LRP1B: variants seen among roughly 807,000 people sequenced by gnomAD.
LRP1B encodes low-density lipoprotein receptor-related protein 1B.
Under a neutral mutation model 556.6 loss-of-function variants are expected in LRP1B, and 217 were observed. That is an observed-to-expected ratio of 0.39 (90% CI 0.35 to 0.44). The LOEUF (loss-of-function observed/expected upper bound fraction) is 0.44, where lower values mean the gene tolerates loss of function less well. LRP1B is among the 20% of genes least tolerant of loss of function. The probability of loss-of-function intolerance (pLI) is 1.00; values close to 1 mark genes in which losing one functional copy is unlikely to be tolerated. For synonymous variants in LRP1B, 2,047 were observed against 1,865.8 expected, an observed-to-expected ratio of 1.10 and a Z score of -2.50; for missense variants, 5,053 against 5,620.8, an observed-to-expected ratio of 0.90 and a Z score of 3.23.
chr2:141,586,277 C>T (rs1687133178), intron 2 of LRP1B, among the ~76,000 whole-genome samples: 2 of 152,094 alleles, frequency 1.3e-5, no homozygotes, highest in Admixed American at 1.3e-4. Flanking sequence ...AAACCAATAC[C>T]TGCTAATCAC....
intron 2 of LRP1B, among the ~76,000 whole-genome samples, chr2:141,663,861 A>G (rs1328675252): frequency 1.3e-5 from 2 of 151,708 alleles, no homozygotes; most frequent in Non-Finnish European, 2.9e-5. Flanking sequence ...AAATTAAGAC[A>G]GATATCATCT....
chr2:140,321,945 A>ATAAT lies in LRP1B; in HGVS notation c.12640+14_12640+17dup, dbSNP rs1263484703. The ATAAT allele has an allele frequency of 6.2e-7, 1 of 1,603,730 alleles. No individual in the cohort carries two copies. Among genetic ancestry groups the ATAAT allele is most frequent in the African/African-American group, 1.3e-5 (1 of 74,084 alleles). On this transcript the variant is annotated intron_variant, in intron 82 of 90. Coordinates refer to ENST00000389484, the MANE Select transcript of LRP1B (RefSeq NM_018557.3). ...TAAGGATTAATTCATTATTTACAGAATAATAAAGTATACCCACCTAACAGG... is the reference window on the plus strand; with the variant it reads ...TAAGGATTAATTCATTATTTACAGAATAATTAATAAAGTATACCCACCTAACAGG...
chr2:140,396,783 TTTA>T (rs1214290014), intron 66 of LRP1B, among the ~76,000 whole-genome samples: 2 of 152,170 alleles, frequency 1.3e-5, no homozygotes, highest in African/African-American at 4.8e-5. Flanking sequence ...TTTATTTCAT[TTTA>T]TTATTTTGTA....
At position 140,911,127 on chromosome 2, in the gene LRP1B, A is replaced by T. The variant is rs570903336; in HGVS notation, c.3320-3050T>A. 1.1e-3 allele frequency among the ~76,000 whole-genome samples: 169 copies of T among 151,960 alleles called. 1 individual carries two copies. The highest frequency in any genetic ancestry group is 4.0e-3 in the African/African-American group (167 of 41,558). On this transcript the variant is annotated intron_variant, in intron 21 of 90. Transcript: ENST00000389484. ...AATCTACATAAGTGAATGAAAACTA[A>T]TTTTCAAGCTTAATTAATTTAAAAA...
At chr2:141,115,008 A>C (rs1201762805) in intron 7 of LRP1B, among the ~76,000 whole-genome samples, 1 of 152,206 alleles carries the variant, frequency 6.6e-6, no homozygotes, top group Non-Finnish European at 1.5e-5. Flanking sequence ...CGAAGGAAAC[A>C]AAACAAACAT....
intron 66 of LRP1B, among the ~76,000 whole-genome samples, chr2:140,395,909 T>C (rs1481404068): frequency 6.6e-6 from 1 of 152,162 alleles, no homozygotes; most frequent in Admixed American, 6.5e-5. Flanking sequence ...GAAATTTGTG[T>C]TGTAACTTTA....
chr2:140,952,381 C>A (rs1046940398), intron 18 of LRP1B, among the ~76,000 whole-genome samples: 1 of 151,618 alleles, frequency 6.6e-6, no homozygotes. Context: ...TCTCACTCTG[C>A]GTCTGAAAGA....
rs66927159 is a variant in LRP1B at position 140,326,699 on chromosome 2, C to CAA, written c.12224-823_12224-822dup. Among the ~76,000 whole-genome samples the CAA allele has an allele frequency of 2.2e-4, 30 of 138,602 alleles. No homozygotes were observed. The East Asian group carries it at 2.6e-3, about 12-fold the overall frequency. 90.9% of individuals were successfully genotyped at this position (138,602 alleles called of 152,430 possible). ...GGCAACAGAGTGAGACCCCCTGCCT[C>CAA]AAAAAAAAAAAATGTTTATGGTAGG... On this transcript the variant is annotated intron_variant, in intron 79 of 90. Coordinates refer to ENST00000389484, the MANE Select transcript of LRP1B (RefSeq NM_018557.3).
intron 3 of LRP1B, among the ~76,000 whole-genome samples, chr2:141,258,171 A>G (rs747255229): frequency 7.2e-5 from 11 of 152,204 alleles, no homozygotes; most frequent in Non-Finnish European, 1.6e-4. Context: ...TTATAAAATA[A>G]AACTATCCTT....
At chr2:141,944,481 A>C (rs1700900117) in intron 1 of LRP1B, among the ~76,000 whole-genome samples, 1 of 152,150 alleles carries the variant, frequency 6.6e-6, no homozygotes, top group Admixed American at 6.6e-5. Flanking sequence ...GCCTTCCTAC[A>C]GAAAACACGT....
At chr2:141,859,066 A>G (rs1453663925) in intron 1 of LRP1B, among the ~76,000 whole-genome samples, 1 of 152,142 alleles carries the variant, frequency 6.6e-6, no homozygotes, top group Non-Finnish European at 1.5e-5. Flanking sequence ...TCTTGCTGTG[A>G]TTTAAGTCTT....
intron 7 of LRP1B, among the ~76,000 whole-genome samples, chr2:141,096,832 C>T (rs1700336069): frequency 6.6e-6 from 1 of 151,918 alleles, no homozygotes; most frequent in Admixed American, 6.6e-5. Context: ...TGAAATAAGA[C>T]CTGTAAAAAG....
chr2:141,129,919 A>C (rs1387050973), intron 7 of LRP1B, among the ~76,000 whole-genome samples: 1 of 150,300 alleles, frequency 6.7e-6, no homozygotes, highest in Non-Finnish European at 1.5e-5. Context: ...GAAATTTTAT[A>C]AACAGTTTTT....
intron 1 of LRP1B, among the ~76,000 whole-genome samples, chr2:142,122,152 C>A (rs1707479760): frequency 6.6e-6 from 1 of 152,042 alleles, no homozygotes; most frequent in Non-Finnish European, 1.5e-5. Context: ...TTTTCATAGA[C>A]ACCCAGATGA....
intron 43 of LRP1B, among the ~76,000 whole-genome samples, chr2:140,595,127 TA>T (rs1682389655): frequency 8.3e-6 from 1 of 120,506 alleles, no homozygotes; most frequent in African/African-American, 3.0e-5. Flanking sequence ...TATATATATA[TA>T]TATATATATT....
intron 6 of LRP1B, among the ~76,000 whole-genome samples, chr2:141,228,413 G>C (rs1683331263): frequency 6.6e-6 from 1 of 150,938 alleles, no homozygotes; most frequent in South Asian, 2.1e-4. Context: ...GTGTGTATGA[G>C]TGTGTGTGTG....
chr2:141,505,368 A>T (rs562224990), intron 2 of LRP1B, among the ~76,000 whole-genome samples: 3 of 152,146 alleles, frequency 2.0e-5, no homozygotes, highest in African/African-American at 7.2e-5. Flanking sequence ...TAAATAGCAC[A>T]TTTTAAGTCC....
intron 11 of LRP1B, among the ~76,000 whole-genome samples, chr2:141,021,037 T>G (rs1698050274): frequency 6.6e-6 from 1 of 152,010 alleles, no homozygotes; most frequent in Non-Finnish European, 1.5e-5. Context: ...AAAATGGCTG[T>G]GAACTCCTTC....
intron 2 of LRP1B, among the ~76,000 whole-genome samples, chr2:141,586,712 G>A (rs11694997): frequency 0.23 from 34,800 of 152,012 alleles, 4,971 homozygotes; most frequent in East Asian, 0.49. Context: ...GGAGGCCGAG[G>A]CGGGTGGATC....
Sources: gnomAD v4.1 joint callset for allele counts (sites outside exome capture counted in the v4.1 genomes callset) on GRCh38, gnomAD v4.1.1 for gene constraint, MANE v1.5 for transcripts, NCBI Gene and HGNC (gene_info 2026-07-23, HGNC 2026-07-21) for gene names.